Variants in SPMAP2 observed in about 807,000 individuals in gnomAD.
SPMAP2 encodes sperm microtubule associated protein 2.
At chr19:362,168 G>A in the SPMAP2 span, 1 of 1,436,590 alleles carries the variant, frequency 7.0e-7, no homozygotes, top group Non-Finnish European at 9.2e-7. Context: ...CAGGGTTAGG[G>A]TGCCTGAGGG....
At chr19:369,265 G>C in the SPMAP2 span, among the ~76,000 whole-genome samples, 1 of 152,152 alleles carries the variant, frequency 6.6e-6, no homozygotes, top group East Asian at 1.9e-4. Context: ...GGAATAATCA[G>C]GTGAACAAAC....
the SPMAP2 span, chr19:374,446 T>C: frequency 7.3e-5 from 118 of 1,613,836 alleles, 1 homozygote; most frequent in East Asian, 5.6e-4. Flanking sequence ...CACGTTGAAG[T>C]TGGAGCTGCT....
the SPMAP2 span, chr19:362,505 C>CA: frequency 8.4e-7 from 1 of 1,189,524 alleles, no homozygotes; most frequent in Non-Finnish European, 1.2e-6. Flanking sequence ...TGGGAGCTCA[C>CA]ACCTGGAATC....
the SPMAP2 span, chr19:372,727 T>G: frequency 6.2e-7 from 1 of 1,611,854 alleles, no homozygotes; most frequent in East Asian, 2.2e-5. Context: ...ACGGAGTCAG[T>G]GAACCCCAGT....
the SPMAP2 span, chr19:375,900 T>TCCCTTTCCGACCTGCC: frequency 6.5e-7 from 1 of 1,526,856 alleles, no homozygotes; most frequent in Non-Finnish European, 8.8e-7. Flanking sequence ...GCCGTCCTGC[T>TCCCTTTCCGACCTGCC]CCCTTTCCGA....
At chr19:365,252 T>C in the SPMAP2 span, among the ~76,000 whole-genome samples, 26 of 152,374 alleles carry the variant, frequency 1.7e-4, no homozygotes, top group Admixed American at 7.8e-4. Flanking sequence ...CTTCTGCACC[T>C]TCCGGGTGGA....
the SPMAP2 span, chr19:372,747 C>T: frequency 6.3e-7 from 1 of 1,586,508 alleles, no homozygotes. Context: ...TGTCAACACC[C>T]TGCAGTTCCC....
chr19:372,526 G>A, the SPMAP2 span: 5 of 1,180,498 alleles, frequency 4.2e-6, no homozygotes, highest in South Asian at 6.5e-5. Context: ...AGCTGTCTAG[G>A]GCTAGGACCT....
the SPMAP2 span, among the ~76,000 whole-genome samples, chr19:364,156 A>G: frequency 6.7e-6 from 1 of 149,250 alleles, no homozygotes; most frequent in Admixed American, 6.7e-5. Flanking sequence ...ACACGGTGAA[A>G]TCCCATCTCT....
chr19:375,730 T>C, the SPMAP2 span: 2 of 1,608,906 alleles, frequency 1.2e-6, no homozygotes, highest in Non-Finnish European at 1.7e-6. Flanking sequence ...AGTGCCTCTT[T>C]GGGATCCAGG....
the SPMAP2 span, chr19:376,015 C>G: frequency 2.2e-6 from 3 of 1,379,668 alleles, no homozygotes; most frequent in Non-Finnish European, 1.9e-6. Flanking sequence ...CTCCCGGCAC[C>G]CAAATGTGTC....
the SPMAP2 span, chr19:375,720 A>C: frequency 6.2e-7 from 1 of 1,607,066 alleles, no homozygotes; most frequent in Admixed American, 1.7e-5. Context: ...CAACTCAGAA[A>C]GTGCCTCTTT....
the SPMAP2 span, among the ~76,000 whole-genome samples, chr19:368,138 T>TCGAGACCAGCCTGGGCAACATAG: frequency 6.6e-6 from 1 of 152,104 alleles, no homozygotes; most frequent in Middle Eastern, 3.4e-3. This position sits in a 1 kb window ranked among gnomAD's most constrained non-coding sequence, Gnocchi z 4.1. Context: ...TCATGTGAGC[T>TCGAGACCAGCCTGGGCAACATAG]CGAGACCAGC....
the SPMAP2 span, chr19:374,005 T>C: frequency 2.5e-6 from 4 of 1,613,266 alleles, no homozygotes; most frequent in Non-Finnish European, 3.4e-6. Flanking sequence ...TACCACAGCG[T>C]CCCTTCCTGC....
At chr19:364,097 G>A in the SPMAP2 span, among the ~76,000 whole-genome samples, 5 of 151,504 alleles carry the variant, frequency 3.3e-5, no homozygotes, top group East Asian at 9.9e-4. Context: ...ACTCTGGGAG[G>A]CCGAGGCGGG....
chr19:362,057 T>C, the SPMAP2 span: 1 of 518,064 alleles, frequency 1.9e-6, no homozygotes, highest in South Asian at 6.2e-5. Flanking sequence ...AAGTCGCAGG[T>C]TGGATGCAAA....
At chr19:374,349 C>A in the SPMAP2 span, 14 of 1,614,010 alleles carry the variant, frequency 8.7e-6, no homozygotes, top group Non-Finnish European at 1.2e-5. Context: ...GCTCCATGAG[C>A]CTCCTCCGCC....
the SPMAP2 span, among the ~76,000 whole-genome samples, chr19:368,013 G>A: frequency 5.3e-5 from 8 of 152,296 alleles, no homozygotes; most frequent in South Asian, 4.1e-4. This position sits in a 1 kb window ranked among gnomAD's most constrained non-coding sequence, Gnocchi z 4.1. Context: ...AGTGCTGGCC[G>A]AGGCGGGAGA....
At chr19:370,495 C>G in the SPMAP2 span, among the ~76,000 whole-genome samples, 2 of 138,684 alleles carry the variant, frequency 1.4e-5, no homozygotes, top group African/African-American at 5.2e-5. Context: ...GCGCCCGCCA[C>G]CACCCCCGGC....
Sources: gnomAD v4.1 joint callset for allele counts (sites outside exome capture counted in the v4.1 genomes callset) on GRCh38, gnomAD v4.1.1 for gene constraint, Gnocchi (gnomAD v3.1) non-coding constraint, MANE v1.5 for transcripts, NCBI Gene and HGNC (gene_info 2026-07-23, HGNC 2026-07-21) for gene names.